Variants in CAPRIN1 observed in about 807,000 individuals in gnomAD.
CAPRIN1 encodes the protein cell cycle associated protein 1.
Under a neutral mutation model 100.9 loss-of-function variants are expected in CAPRIN1, and 29 were observed. The ratio of observed to expected loss-of-function variants is 0.29; its 90% CI spans 0.21 to 0.39. CAPRIN1 has a LOEUF of 0.39. Ranked by LOEUF, CAPRIN1 falls within the 10% of genes least tolerant of loss-of-function variation. The probability of loss-of-function intolerance (pLI) is 1.00; values close to 1 mark genes in which losing one functional copy is unlikely to be tolerated. For missense variants in CAPRIN1, 795 were observed against 876.7 expected (o/e 0.91, Z 1.18); for synonymous variants, 338 against 307.5 (o/e 1.10, Z -1.04).
At chr11:34,067,205 CA>C (rs1850715963) in intron 2 of CAPRIN1, among the ~76,000 whole-genome samples, 1 of 152,086 alleles carries the variant, frequency 6.6e-6, no homozygotes, top group South Asian at 2.1e-4. Context: ...GTTGGGATTA[CA>C]GGTGTGAGCC....
At position 34,083,095 on chromosome 11, in the gene CAPRIN1, T is replaced by A. The variant is rs1471459268; in HGVS notation, c.966+54T>A. 6.8e-6 allele frequency: 8 copies of A among 1,171,372 alleles called. No homozygotes were observed. In the African/African-American group the frequency reaches 1.2e-4, roughly 18 times the overall value. 72.6% of individuals were successfully genotyped at this position (1,171,372 alleles called of 1,614,324 possible). A position where few individuals can be genotyped will look rare whatever the true frequency, so the allele number is the denominator to read the frequency against. ...TGTCTTTGTCTTCAGTTAGTAATTT[T>A]TATCTCTACTGAGAACAAATTAAGA... On this transcript the variant is annotated intron_variant, in intron 9 of 18. Coordinates refer to ENST00000341394, the MANE Select transcript of CAPRIN1 (RefSeq NM_005898.5).
At position 34,100,301 on chromosome 11, in the gene CAPRIN1, C is replaced by G. The variant is rs1295140824; in HGVS notation, c.*934C>G. 1 of 152,126 alleles carries G rather than the reference C, an allele frequency of 6.6e-6. No homozygotes were observed. Among genetic ancestry groups the G allele is most frequent in the Admixed American group, 6.5e-5 (1 of 15,274 alleles). The allele number at this position is 152,126 out of a possible 1,614,324, so 9.4% of individuals were successfully genotyped here. A position where few individuals can be genotyped will look rare whatever the true frequency, so the allele number is the denominator to read the frequency against. ...ATCTCTAGTGGATAATCATAACACT[C>G]TCGGTCACATGTTTTTCCTTCAGCT... On this transcript the variant is annotated 3_prime_UTR_variant, in exon 19 of 19. Coordinates refer to ENST00000341394, the MANE Select transcript of CAPRIN1 (RefSeq NM_005898.5).
intron 6 of CAPRIN1, among the ~76,000 whole-genome samples, 174 bp downstream of exon 6, chr11:34,076,816 C>T (rs1850917945): frequency 6.6e-6 from 1 of 151,628 alleles, no homozygotes; most frequent in Non-Finnish European, 1.5e-5. Flanking sequence ...TCACAGCAAC[C>T]TCCGCCTCCC....
intron 7 of CAPRIN1, 122 bp from the exon 8 acceptor site, chr11:34,082,703 G>A: frequency 1.4e-6 from 1 of 705,462 alleles, no homozygotes; most frequent in Non-Finnish European, 2.5e-6. Context: ...TACTCTTATT[G>A]TTAATAATTC....
chr11:34,071,685 C>G (rs373060003), intron 2 of CAPRIN1, 41 bp from the exon 3 acceptor site: 22 of 1,454,430 alleles, frequency 1.5e-5, no homozygotes, highest in Non-Finnish European at 1.9e-5. Flanking sequence ...TGGTATATAC[C>G]TTCAAAACGG....
At chr11:34,094,653 A>T (rs1269142975) in intron 15 of CAPRIN1, among the ~76,000 whole-genome samples, 1 of 152,024 alleles carries the variant, frequency 6.6e-6, no homozygotes, top group South Asian at 2.1e-4. Context: ...AGAAATTAGC[A>T]GGGTGAGGTG....
chr11:34,081,276 C>CTGCAACCTCTGCCTCCCGGG (rs927669585), intron 7 of CAPRIN1, among the ~76,000 whole-genome samples: 5 of 151,572 alleles, frequency 3.3e-5, no homozygotes, highest in African/African-American at 9.7e-5. Context: ...TCCTGACTCA[C>CTGCAACCTCTGCCTCCCGGG]TGCAACCTCT....
At chr11:34,080,776 C>T (rs963756154) in intron 7 of CAPRIN1, among the ~76,000 whole-genome samples, 1 of 152,184 alleles carries the variant, frequency 6.6e-6, no homozygotes, top group Non-Finnish European at 1.5e-5. Context: ...ACCTCAGGTT[C>T]CCCGTTTAGA....
intron 12 of CAPRIN1, chr11:34,089,910 A>G (rs888964074): frequency 1.3e-4 from 30 of 225,266 alleles, no homozygotes; most frequent in African/African-American, 6.4e-4. Context: ...TCTAAAATTT[A>G]GTGCAGATTT....
chr11:34,061,816 C>A (rs777764711), intron 2 of CAPRIN1, among the ~76,000 whole-genome samples: 2 of 151,548 alleles, frequency 1.3e-5, no homozygotes, highest in Non-Finnish European at 2.9e-5. Context: ...ACTAAAAATA[C>A]AAAAATTAGC....
rs779216557 is a variant in CAPRIN1, at chr11:34,079,599, T to C, written c.689-29T>C. The C allele has an allele frequency of 3.7e-6, 6 of 1,600,406 alleles. No individual in the cohort carries two copies. The South Asian group carries it at 5.5e-5, about 15-fold the overall frequency. ...AAGCCAGGCATCCTCAGATAAGTCT[T>C]ACATTATAATTCATGTTCTTTTTCT... On this transcript the variant is annotated intron_variant, in intron 6 of 18. Transcript: ENST00000341394.
In CAPRIN1 at chr11:34,102,098, A is replaced by G. The variant is rs895886829; in HGVS notation, c.*2731A>G. Among the ~76,000 whole-genome samples the G allele has an allele frequency of 6.6e-6, 1 of 152,144 alleles. No homozygotes were observed. The highest frequency in any genetic ancestry group is 2.4e-5 in the African/African-American group (1 of 41,422). ...AACAAATATCCTTTAAGTATTTCTA[A>G]TCAGTTAGCTTCTACAGTTCTTTTG... On this transcript the variant is annotated 3_prime_UTR_variant, in exon 19 of 19. Transcript: ENST00000341394.
At chr11:34,088,366 TTA>T (rs1388909465) in intron 11 of CAPRIN1, among the ~76,000 whole-genome samples, 1 of 152,104 alleles carries the variant, frequency 6.6e-6, no homozygotes, top group Non-Finnish European at 1.5e-5. Context: ...GTTGGTTATG[TTA>T]ACATATATTG....
At chr11:34,089,011 A>G (rs538469126) in intron 11 of CAPRIN1, among the ~76,000 whole-genome samples, 26 of 151,864 alleles carry the variant, frequency 1.7e-4, no homozygotes, top group African/African-American at 4.8e-4. Context: ...GTTCATTCCT[A>G]TAATCCCAGC....
chr11:34,086,643 T>C lies in CAPRIN1; in HGVS notation c.1231+230T>C, dbSNP rs1255721176. Among the ~76,000 whole-genome samples the C allele has an allele frequency of 3.9e-5, 6 of 152,178 alleles. No individual in the cohort carries two copies. The South Asian group carries it at 1.0e-3, about 26-fold the overall frequency. On this transcript the variant is annotated intron_variant, in intron 11 of 18. Transcript: ENST00000341394. ...ATTGGCATGTAGATATAGAAAAATA[T>C]ACGCAAGTTTAATGAGTTTTTATAA...
At chr11:34,095,506 TA>T (rs1421477578) in intron 15 of CAPRIN1, among the ~76,000 whole-genome samples, 1 of 152,220 alleles carries the variant, frequency 6.6e-6, no homozygotes, top group Non-Finnish European at 1.5e-5. Flanking sequence ...TAACAACTAT[TA>T]ATGTATTTGG....
intron 11 of CAPRIN1, among the ~76,000 whole-genome samples, chr11:34,087,888 C>T (rs762161477): frequency 2.0e-5 from 3 of 152,028 alleles, no homozygotes; most frequent in Admixed American, 1.3e-4. Flanking sequence ...AACCAAAGAT[C>T]GTCGTTTTGA....
Position 34,101,873 on chromosome 11 carries a change from G to GGT in CAPRIN1, c.*2509_*2510dup, listed in dbSNP as rs1416488791. Among the ~76,000 whole-genome samples, 1 of 151,892 alleles carries GGT rather than the reference G, an allele frequency of 6.6e-6. No homozygotes were observed. Among genetic ancestry groups the GGT allele is most frequent in the Non-Finnish European group, 1.5e-5 (1 of 67,960 alleles). On this transcript the variant is annotated 3_prime_UTR_variant, in exon 19 of 19. Coordinates refer to ENST00000341394, the MANE Select transcript of CAPRIN1 (RefSeq NM_005898.5). ...GTCACACATGTCACTGTAGCCTCTT[G>GGT]GTGTAGCAAGCTCACATACAAAATA... is the stretch of plus-strand genomic sequence containing the variant.
intron 18 of CAPRIN1, 59 bp from the exon 19 acceptor site, chr11:34,099,244 C>A (rs1442594485): frequency 2.7e-5 from 43 of 1,594,142 alleles, no homozygotes; most frequent in Non-Finnish European, 3.5e-5. Context: ...TGAAAATCTG[C>A]TTGAAGGCAA....
Sources: gnomAD v4.1 joint callset for allele counts (sites outside exome capture counted in the v4.1 genomes callset) on GRCh38, gnomAD v4.1.1 for gene constraint, MANE v1.5 for transcripts, NCBI Gene and HGNC (gene_info 2026-07-23, HGNC 2026-07-21) for gene names.